SLC7A1: variants seen among roughly 807,000 people sequenced by gnomAD.
SLC7A1 encodes the protein solute carrier family 7 member 1, also known as high affinity cationic amino acid transporter 1.
Under a neutral mutation model 53.9 loss-of-function variants are expected in SLC7A1, and 10 were observed. That is an observed-to-expected ratio of 0.19 (90% CI 0.11 to 0.31). The LOEUF (loss-of-function observed/expected upper bound fraction) is 0.31, where lower values mean the gene tolerates loss of function less well. Among genes scored for constraint, SLC7A1 ranks in the 10% least tolerant of loss-of-function variants. The pLI, the probability that SLC7A1 is intolerant of heterozygous loss-of-function variation, is 1.00. For synonymous variants in SLC7A1, 342 were observed against 338.7 expected (o/e 1.01, Z -0.11); for missense variants, 525 against 827.2 (o/e 0.63, Z 4.48).
chr13:29,544,866 TCG>T (rs1869838551), intron 2 of SLC7A1, among the ~76,000 whole-genome samples: 2 of 16,306 alleles, frequency 1.2e-4, no homozygotes, highest in Non-Finnish European at 6.5e-4. Flanking sequence ...ACCTGCCTCA[TCG>T]GGGGGGGGGG....
At chr13:29,593,346 A>T (rs1378965950) in intron 1 of SLC7A1, among the ~76,000 whole-genome samples, 1 of 152,142 alleles carries the variant, frequency 6.6e-6, no homozygotes, top group South Asian at 2.1e-4. Context: ...ATACAGAAAA[A>T]CACCACATCC....
At position 29,522,422 on chromosome 13, in the gene SLC7A1, T is replaced by C. The variant is rs745870477; in HGVS notation, c.1084A>G (p.Ile362Val). The change falls in exon 8 of 13, where the codon ATC becomes GTC. Residue 362 changes from isoleucine (I) to valine (V), a missense_variant. Physicochemically the swap from Ile to Val is conservative, Grantham distance 29. Transcript: ENST00000380752. ...LGSMFPMPRV[I>V]YAMAEDGLLF... ...AGTCCATCCTCAGCCATGGCATAGA[T>C]AACCCGAGGCATGGGAAACATGGAA... 6.2e-7 allele frequency: 1 copy of C among 1,614,140 alleles called. No individual in the cohort carries two copies.
intron 2 of SLC7A1, among the ~76,000 whole-genome samples, chr13:29,551,594 C>A (rs1386372076): frequency 6.6e-6 from 1 of 152,196 alleles, no homozygotes; most frequent in Admixed American, 6.5e-5. Flanking sequence ...CAGGTGTCAA[C>A]GCCCAGCCCC....
At chr13:29,533,105 C>T in intron 3 of SLC7A1, 123 bp from the exon 4 acceptor site, 1 of 967,680 alleles carries the variant, frequency 1.0e-6, no homozygotes, top group Non-Finnish European at 1.5e-6. Context: ...AATCTGGCAG[C>T]AGCAGCCAGA....
intron 1 of SLC7A1, 88 bp downstream of exon 1, chr13:29,595,315 CCCGCGCCGCCCTG>C (rs1872265778): frequency 6.6e-6 from 1 of 151,774 alleles, no homozygotes; most frequent in African/African-American, 2.4e-5. Context: ...CCTCGCCACT[CCCGCGCCGCCCTG>C]CCGCGGCCCC....
At chr13:29,584,792 A>T (rs1295283377) in intron 1 of SLC7A1, among the ~76,000 whole-genome samples, 1 of 152,240 alleles carries the variant, frequency 6.6e-6, no homozygotes, top group Admixed American at 6.5e-5. Context: ...AGAACTATTT[A>T]ATGGTATGGC....
intron 2 of SLC7A1, 100 bp from the exon 3 acceptor site, chr13:29,536,302 C>G (rs928543482): frequency 8.2e-7 from 1 of 1,219,222 alleles, no homozygotes; most frequent in Admixed American, 2.2e-5. Context: ...TCAGGTCCTT[C>G]ATAATCATTT....
chr13:29,583,583 G>A (rs571647952), intron 1 of SLC7A1, among the ~76,000 whole-genome samples: 19 of 152,236 alleles, frequency 1.2e-4, no homozygotes, highest in African/African-American at 2.4e-4. Context: ...ACCAGGAGCC[G>A]CAGGAAAGTG....
intron 2 of SLC7A1, among the ~76,000 whole-genome samples, chr13:29,539,426 T>TG (rs1442364069): frequency 2.0e-5 from 3 of 152,188 alleles, no homozygotes; most frequent in African/African-American, 7.2e-5. Flanking sequence ...AGATCACTGC[T>TG]GCCAGTTGAG....
intron 2 of SLC7A1, among the ~76,000 whole-genome samples, chr13:29,548,860 G>A (rs546833010): frequency 6.6e-6 from 1 of 152,170 alleles, no homozygotes; most frequent in Non-Finnish European, 1.5e-5. Context: ...GATTATCTAC[G>A]CAGTTCATGT....
At chr13:29,574,710 T>A (rs968726634) in intron 1 of SLC7A1, among the ~76,000 whole-genome samples, 1 of 148,624 alleles carries the variant, frequency 6.7e-6, no homozygotes, top group Non-Finnish European at 1.5e-5. Context: ...AGTGGTGCGA[T>A]CTCGGCTCAC....
chr13:29,576,385 A>G (rs1264331908), intron 1 of SLC7A1, among the ~76,000 whole-genome samples: 1 of 152,236 alleles, frequency 6.6e-6, no homozygotes, highest in East Asian at 1.9e-4. Flanking sequence ...AAGACTGAAC[A>G]ATTTTCTAAC....
intron 2 of SLC7A1, among the ~76,000 whole-genome samples, chr13:29,544,760 T>C (rs1009004396): frequency 1.3e-5 from 2 of 148,210 alleles, no homozygotes; most frequent in Non-Finnish European, 3.0e-5. Context: ...TTCTGGGGAA[T>C]GGCATGGCGG....
intron 2 of SLC7A1, among the ~76,000 whole-genome samples, chr13:29,539,951 T>C (rs1234586384): frequency 6.6e-6 from 1 of 152,232 alleles, no homozygotes; most frequent in East Asian, 1.9e-4. Context: ...TACTCTGTCC[T>C]GGGTTTATTT....
rs1326961927 is a variant in SLC7A1, at chr13:29,514,539, C to A, written c.1831G>T (p.Ala611Ser). ...CTTGCTTGGTCGGCATCCAGGGACG[C>A]CTCCTCGCTGTGCCACAGGCCATAG... is the stretch of plus-strand genomic sequence containing the variant. ...FGYGLWHSEE[A>S]SLDADQARTP... is the part of the protein sequence containing the mutation. The change falls in exon 13 of 13, where the codon GCG (alanine) becomes TCG (serine). Residue 611 changes from alanine (A) to serine (S), a missense_variant. This residue lies in a region of SLC7A1 where 41 missense variants were observed against 61.3 expected (regional missense o/e 0.67). Transcript: ENST00000380752. The A allele has an allele frequency of 1.9e-6, 3 of 1,611,258 alleles. No homozygotes were observed. Among genetic ancestry groups the A allele is most frequent in the Admixed American group, 3.3e-5 (2 of 59,990 alleles).
chr13:29,525,322 G>A (rs774509213), intron 5 of SLC7A1, among the ~76,000 whole-genome samples: 20 of 152,292 alleles, frequency 1.3e-4, no homozygotes, highest in Middle Eastern at 3.4e-3. Flanking sequence ...CCACTGGCTG[G>A]CCTGGAGCCC....
In SLC7A1 at chr13:29,511,054, G is replaced by A. The variant is rs1213030490; in HGVS notation, c.*3426C>T. 1 of 152,360 alleles carries A rather than the reference G, an allele frequency of 6.6e-6. No homozygotes were observed. Among genetic ancestry groups the A allele is most frequent in the Non-Finnish European group, 1.5e-5 (1 of 68,138 alleles). The allele number at this position is 152,360 out of a possible 1,614,324, so 9.4% of individuals were successfully genotyped here. A position where few individuals can be genotyped will look rare whatever the true frequency, so the allele number is the denominator to read the frequency against. On this transcript the variant is annotated 3_prime_UTR_variant, in exon 13 of 13. Coordinates refer to ENST00000380752, the MANE Select transcript of SLC7A1 (RefSeq NM_003045.5). ...TTCACAATGCCTGCTCCGTGGCAGGGGCACGGCAGGGAGGAGCTGGTATCA... is the reference window on the plus strand; with the variant it reads ...TTCACAATGCCTGCTCCGTGGCAGGAGCACGGCAGGGAGGAGCTGGTATCA...
At chr13:29,537,353 C>T (rs1869468697) in intron 2 of SLC7A1, among the ~76,000 whole-genome samples, 1 of 152,186 alleles carries the variant, frequency 6.6e-6, no homozygotes, top group Non-Finnish European at 1.5e-5. Flanking sequence ...ATGGGAAAAC[C>T]ACCGGACACA....
At chr13:29,582,953 C>A (rs1201265061) in intron 1 of SLC7A1, among the ~76,000 whole-genome samples, 3 of 152,212 alleles carry the variant, frequency 2.0e-5, no homozygotes, top group African/African-American at 7.2e-5. Flanking sequence ...TCATAATGAA[C>A]AGGACTGTTA....
Sources: gnomAD v4.1 joint callset for allele counts (sites outside exome capture counted in the v4.1 genomes callset) on GRCh38, gnomAD v4.1.1 for gene constraint, gnomAD v4.1.1 regional missense constraint, MANE v1.5 for transcripts, NCBI Gene and HGNC (gene_info 2026-07-23, HGNC 2026-07-21) for gene names.